DLEC1: variants seen among roughly 807,000 people sequenced by gnomAD.
DLEC1 encodes DLEC1 cilia and flagella associated protein.
In DLEC1, 146 loss-of-function variants were observed where a neutral mutation model predicts 198.1. The ratio of observed to expected loss-of-function variants is 0.74; its 90% CI spans 0.64 to 0.85. The LOEUF (loss-of-function observed/expected upper bound fraction) is 0.85. DLEC1 is among the 40% of genes least tolerant of loss of function. The pLI is 0.00. For missense variants in DLEC1, 2,233 were observed against 2,220.0 expected, an observed-to-expected ratio of 1.01 and a Z score of -0.12; for synonymous variants, 897 against 866.8, an observed-to-expected ratio of 1.03 and a Z score of -0.61.
At chr3:38,091,163 C>G (rs1453354557) in intron 10 of DLEC1, among the ~76,000 whole-genome samples, 3 of 152,096 alleles carry the variant, frequency 2.0e-5, no homozygotes, top group Non-Finnish European at 2.9e-5. Context: ...TGCATATGAT[C>G]TCAAAAGCAC....
rs377053845 is a variant in DLEC1, at chr3:38,105,073, GTTAT to G, written c.2865-2507_2865-2504del. Among the ~76,000 whole-genome samples the G allele has an allele frequency of 6.0e-3, 908 of 152,088 alleles. 10 individuals carry two copies. The highest frequency in any genetic ancestry group is 0.02 in the African/African-American group (844 of 41,520). On this transcript the variant is annotated intron_variant, in intron 19 of 36. Transcript: ENST00000308059. ...TCTTATTTGACTTGTTTATGAATGTGTTATTTAATTTGCACATATTTTGTTTCAC... is the reference window on the plus strand; with the variant it reads ...TCTTATTTGACTTGTTTATGAATGTGTTAATTTGCACATATTTTGTTTCAC...
intron 2 of DLEC1, among the ~76,000 whole-genome samples, chr3:38,057,550 C>T (rs538369914): frequency 1.6e-4 from 25 of 152,018 alleles, no homozygotes; most frequent in Non-Finnish European, 3.1e-4. Context: ...AAAGATAATC[C>T]GCAAAGAAAG....
intron 6 of DLEC1, among the ~76,000 whole-genome samples, chr3:38,068,895 A>G (rs1697171156): frequency 6.6e-6 from 1 of 152,236 alleles, no homozygotes; most frequent in South Asian, 2.1e-4. Flanking sequence ...TGAATATAAC[A>G]TGAATTACTA....
chr3:38,089,797 C>T (rs774353561), intron 10 of DLEC1, among the ~76,000 whole-genome samples: 66 of 152,060 alleles, frequency 4.3e-4, no homozygotes, highest in Non-Finnish European at 7.9e-4. Flanking sequence ...GCATTTCTTG[C>T]GTATTTTGTT....
chr3:38,105,870 T>C (rs1370289197), intron 19 of DLEC1, among the ~76,000 whole-genome samples: 1 of 152,246 alleles, frequency 6.6e-6, no homozygotes, highest in Non-Finnish European at 1.5e-5. Flanking sequence ...TCCTCCATTA[T>C]TGCCTTCTTC....
At chr3:38,083,781 A>T (rs1381831198) in intron 6 of DLEC1, among the ~76,000 whole-genome samples, 1 of 147,208 alleles carries the variant, frequency 6.8e-6, no homozygotes, top group Non-Finnish European at 1.5e-5. Context: ...TGTTTTTAAA[A>T]TTTTAAACTA....
At chr3:38,093,516 T>A (rs375074845) in intron 11 of DLEC1, 89 bp from the exon 12 acceptor site, 2 of 1,494,314 alleles carry the variant, frequency 1.3e-6, no homozygotes, top group Non-Finnish European at 1.8e-6. Flanking sequence ...GCCAGCTGCA[T>A]GTGGATGGCG....
intron 29 of DLEC1, 35 bp downstream of exon 29, chr3:38,116,924 T>C: frequency 1.2e-6 from 2 of 1,612,132 alleles, no homozygotes; most frequent in Non-Finnish European, 1.7e-6. Context: ...CTGTCTGCAT[T>C]GGCCGGCCAG....
chr3:38,079,612 G>T, intron 6 of DLEC1, among the ~76,000 whole-genome samples: 1 of 152,186 alleles, frequency 6.6e-6, no homozygotes, highest in South Asian at 2.1e-4. Flanking sequence ...GGGGCTCTGG[G>T]AGTGGCTGCC....
At chr3:38,121,232 G>GAGAT (rs1447527791) in intron 34 of DLEC1, among the ~76,000 whole-genome samples, 2 of 152,252 alleles carry the variant, frequency 1.3e-5, no homozygotes, top group East Asian at 1.9e-4. Context: ...GGGCTGCCAG[G>GAGAT]AGATAGAGGA....
At chr3:38,046,491 GCTC>G (rs1700892961) in intron 2 of DLEC1, among the ~76,000 whole-genome samples, 1 of 152,122 alleles carries the variant, frequency 6.6e-6, no homozygotes, top group Admixed American at 6.5e-5. Context: ...ACATGCCTTT[GCTC>G]CTCCTTCACC....
At chr3:38,083,190 T>TG (rs1418438873) in intron 6 of DLEC1, among the ~76,000 whole-genome samples, 1 of 151,606 alleles carries the variant, frequency 6.6e-6, no homozygotes, top group East Asian at 1.9e-4. Flanking sequence ...TGTGCGTCCG[T>TG]GTGAAGAGAC....
At chr3:38,048,958 T>A (rs746974621) in intron 2 of DLEC1, among the ~76,000 whole-genome samples, 1 of 152,168 alleles carries the variant, frequency 6.6e-6, no homozygotes, top group Non-Finnish European at 1.5e-5. Flanking sequence ...TGGTAGCAAA[T>A]GTCCAGAGTC....
chr3:38,084,610 A>AGTGCTAGTAGTAGTAGTGGTGGTG (rs1559431043), intron 7 of DLEC1, among the ~76,000 whole-genome samples: 1 of 22,410 alleles, frequency 4.5e-5, no homozygotes, highest in Non-Finnish European at 1.1e-4. Flanking sequence ...TAGCAGTAGC[A>AGTGCTAGTAGTAGTAGTGGTGGTG]GTAGCAGTAC....
chr3:38,085,287 A>G lies in DLEC1; in HGVS notation c.1275A>G (p.Gly425=). ...TGTCATGCACAGGGATGTTCCCAGG[A>G]AAAGGTGGAATGGTGGCTCCTGGAA... ...YFALGLGMFP[G]KGGMVAPGMT... Residue 425 remains glycine (G), a synonymous_variant, in exon 8 of 37, where the codon GGA becomes GGG. Transcript: ENST00000308059. 6.2e-7 allele frequency: 1 copy of G among 1,614,078 alleles called. No individual in the cohort carries two copies. The highest frequency in any genetic ancestry group is 8.5e-7 in the Non-Finnish European group (1 of 1,179,984).
chr3:38,076,507 G>T (rs747622912), intron 6 of DLEC1, among the ~76,000 whole-genome samples: 2 of 152,046 alleles, frequency 1.3e-5, no homozygotes, highest in South Asian at 4.1e-4. Context: ...AGTACTCAGT[G>T]GGGGAGCTTT....
intron 34 of DLEC1, 110 bp downstream of exon 34, chr3:38,120,719 C>T: frequency 6.9e-7 from 1 of 1,441,360 alleles, no homozygotes; most frequent in Non-Finnish European, 9.4e-7. Context: ...ATAAGGAGCC[C>T]CTGCCCCTGT....
chr3:38,078,597 C>T (rs9862231), intron 6 of DLEC1, among the ~76,000 whole-genome samples: 53,724 of 151,874 alleles, frequency 0.35, 9,959 homozygotes, highest in East Asian at 0.56. Context: ...CAGATGAGGA[C>T]GAAATTTGGG....
chr3:38,098,605 C>G (rs1699153178), intron 18 of DLEC1, among the ~76,000 whole-genome samples: 4 of 152,120 alleles, frequency 2.6e-5, no homozygotes, highest in African/African-American at 9.6e-5. Flanking sequence ...TGACCACACT[C>G]TCCTTCTGGC....
Sources: gnomAD v4.1 joint callset for allele counts (sites outside exome capture counted in the v4.1 genomes callset) on GRCh38, gnomAD v4.1.1 for gene constraint, MANE v1.5 for transcripts, NCBI Gene and HGNC (gene_info 2026-07-23, HGNC 2026-07-21) for gene names.